The following MAOB variants were observed in gnomAD, a reference collection of about 807,000 sequenced individuals.
The protein encoded by MAOB is monoamine oxidase B.
MAOB carries 15 observed loss-of-function variants against 41.9 expected under a neutral mutation model. The ratio of observed to expected loss-of-function variants is 0.36; its 90% CI spans 0.24 to 0.55. MAOB has a LOEUF of 0.55. Among genes scored for constraint, MAOB ranks in the 20% least tolerant of loss-of-function variants. The pLI is 0.86. For synonymous variants in MAOB, 167 were observed against 144.2 expected (o/e 1.16, Z -1.13); for missense variants, 345 against 398.7 (o/e 0.87, Z 1.15).
chrX:43,806,064 A>G (rs2034658606), intron 3 of MAOB, among the ~76,000 whole-genome samples: 1 of 112,567 alleles, frequency 8.9e-6, no homozygotes, highest in African/African-American at 3.2e-5. Context: ...AAAAGTTGCA[A>G]AGATAGTACA....
At chrX:43,774,778 T>C (rs2034230855) in intron 12 of MAOB, among the ~76,000 whole-genome samples, 2 of 112,021 alleles carry the variant, frequency 1.8e-5, no homozygotes, top group Non-Finnish European at 3.8e-5. Context: ...TTGGACTACC[T>C]AAAATGCTAC....
chrX:43,824,481 C>T (rs1292388733), intron 3 of MAOB, among the ~76,000 whole-genome samples: 3 of 111,316 alleles, frequency 2.7e-5, no homozygotes, highest in Non-Finnish European at 3.8e-5. Context: ...GTCAGGAGTT[C>T]GAGACCAGTC....
At chrX:43,856,555 C>G (rs184632560) in intron 1 of MAOB, among the ~76,000 whole-genome samples, 38 of 111,961 alleles carry the variant, frequency 3.4e-4, no homozygotes, top group African/African-American at 1.2e-3. Context: ...ACTTTTGGCT[C>G]TCCCAAAACT....
intron 3 of MAOB, among the ~76,000 whole-genome samples, chrX:43,808,936 C>G (rs2034707327): frequency 9.0e-6 from 1 of 110,936 alleles, no homozygotes; most frequent in Admixed American, 9.7e-5. Context: ...AACTCCCGAC[C>G]TCAAGTAATC....
chrX:43,824,055 A>C (rs747231124), intron 3 of MAOB, among the ~76,000 whole-genome samples: 1 of 112,357 alleles, frequency 8.9e-6, no homozygotes, highest in Admixed American at 9.4e-5. Flanking sequence ...TGTAGTTTCG[A>C]AGTGCTCCTC....
chrX:43,827,707 C>T (rs778871856), intron 3 of MAOB, among the ~76,000 whole-genome samples: 11 of 111,459 alleles, frequency 9.9e-5, no homozygotes, highest in Non-Finnish European at 1.9e-4. Context: ...TAATCTGCTT[C>T]GAAGCACAAT....
rs763817978 is a variant in MAOB, at chrX:43,771,802, C to T, written c.1236-2384G>A. 5.4e-5 allele frequency among the ~76,000 whole-genome samples: 6 copies of T among 110,959 alleles called. No individual in the cohort carries two copies. In the South Asian group the frequency reaches 1.5e-3, roughly 29 times the overall value. ...AATTTTAAACAAAGAGATAGTTTCC[C>T]GCCACTTGTCATTTGGAAATTATGT... is the stretch of plus-strand genomic sequence containing the variant. On this transcript the variant is annotated intron_variant, in intron 12 of 14. Coordinates refer to ENST00000378069, the MANE Select transcript of MAOB (RefSeq NM_000898.5).
intron 3 of MAOB, among the ~76,000 whole-genome samples, chrX:43,819,999 A>G (rs926177670): frequency 1.8e-5 from 2 of 112,264 alleles, no homozygotes; most frequent in Non-Finnish European, 3.8e-5. Context: ...GCCATGAACA[A>G]AAGTGAATTT....
At chrX:43,848,610 T>C (rs1381451194) in intron 1 of MAOB, among the ~76,000 whole-genome samples, 2 of 111,854 alleles carry the variant, frequency 1.8e-5, no homozygotes, top group Non-Finnish European at 3.8e-5. Flanking sequence ...TGGAGTGCAG[T>C]GGCGCAATCT....
At chrX:43,844,024 T>C in intron 1 of MAOB, 1 of 637,727 alleles carries the variant, frequency 1.6e-6, no homozygotes, top group Non-Finnish European at 2.0e-6. Flanking sequence ...TCTATTTTAA[T>C]GACTAAATTG....
chrX:43,824,377 T>C (rs1052569358), intron 3 of MAOB, among the ~76,000 whole-genome samples: 6 of 112,342 alleles, frequency 5.3e-5, no homozygotes, highest in African/African-American at 1.6e-4. Flanking sequence ...GAAAGAGGTT[T>C]GGCCCTTCAT....
intron 1 of MAOB, among the ~76,000 whole-genome samples, chrX:43,851,082 A>G (rs1348422665): frequency 8.9e-6 from 1 of 112,175 alleles, no homozygotes; most frequent in Non-Finnish European, 1.9e-5. Context: ...GTGGAAGACA[A>G]AATTTGTTTT....
At chrX:43,816,953 G>A (rs1288876672) in intron 3 of MAOB, among the ~76,000 whole-genome samples, 1 of 111,135 alleles carries the variant, frequency 9.0e-6, no homozygotes, top group African/African-American at 3.3e-5. Context: ...TAGTAGATGA[G>A]CTTCAGAAGC....
chrX:43,770,144 A>C (rs2034163936), intron 12 of MAOB, among the ~76,000 whole-genome samples: 1 of 111,155 alleles, frequency 9.0e-6, no homozygotes, highest in Non-Finnish European at 1.9e-5. Flanking sequence ...GCCTCTGCTA[A>C]AAAAAACTAT....
intron 3 of MAOB, among the ~76,000 whole-genome samples, chrX:43,808,700 A>G (rs1487823134): frequency 3.5e-5 from 2 of 56,540 alleles, no homozygotes; most frequent in Non-Finnish European, 7.3e-5. Flanking sequence ...CTACACATAG[A>G]CACACACACA....
chrX:43,795,878 A>T lies in MAOB; in HGVS notation c.629T>A (p.Phe210Tyr). The T allele has an allele frequency of 8.3e-7, 1 of 1,207,155 alleles. No individual in the cohort carries two copies. The highest frequency in any genetic ancestry group is 1.1e-6 in the Non-Finnish European group (1 of 894,011). The part of the protein sequence containing the change: ...STTNGGQERK[F>Y]VGGSGQVSER... ...ACTCACTTGACCAGATCCGCCCACA[A>T]ATTTCCTCTCCTGGAAAGAGAAAAG... The change falls in exon 7 of 15, where the codon TTT (phenylalanine) becomes TAT (tyrosine). Residue 210 changes from phenylalanine (F) to tyrosine (Y), a missense_variant. Physicochemically the swap from Phe to Tyr is conservative, Grantham distance 22 (BLOSUM62 3). Transcript: ENST00000378069.
At chrX:43,793,238 T>C (rs1426177902) in intron 8 of MAOB, among the ~76,000 whole-genome samples, 181 bp downstream of exon 8, 2 of 112,162 alleles carry the variant, frequency 1.8e-5, no homozygotes, top group East Asian at 2.8e-4. Context: ...CTATGTTCAC[T>C]ACCTGGGTGA....
intron 3 of MAOB, among the ~76,000 whole-genome samples, chrX:43,815,889 C>T (rs907721226): frequency 8.9e-6 from 1 of 111,844 alleles, no homozygotes; most frequent in African/African-American, 3.3e-5. Flanking sequence ...AACACATACA[C>T]GAAAATGTTA....
At chrX:43,864,450 T>C (rs1019989539) in intron 1 of MAOB, among the ~76,000 whole-genome samples, 2 of 111,861 alleles carry the variant, frequency 1.8e-5, no homozygotes, top group African/African-American at 6.5e-5. Context: ...TTAATTTCCA[T>C]TTAGTTTGCA....
Sources: gnomAD v4.1 joint callset for allele counts (sites outside exome capture counted in the v4.1 genomes callset) on GRCh38, gnomAD v4.1.1 for gene constraint, MANE v1.5 for transcripts, NCBI Gene and HGNC (gene_info 2026-07-23, HGNC 2026-07-21) for gene names.